The following ABI3BP variants were observed in gnomAD, a reference collection of about 807,000 sequenced individuals.
ABI3BP encodes the protein target of Nesh-SH3.
In ABI3BP, 216 loss-of-function variants were observed where a neutral mutation model predicts 268.6. The ratio of observed to expected loss-of-function variants is 0.80; its 90% CI spans 0.72 to 0.90. The LOEUF (loss-of-function observed/expected upper bound fraction) is 0.90, where lower values mean the gene tolerates loss of function less well. Among genes scored for constraint, ABI3BP ranks in the 40% least tolerant of loss-of-function variants. ABI3BP has a pLI of 0.00. For missense variants in ABI3BP, 2,090 were observed against 2,182.4 expected, an observed-to-expected ratio of 0.96 and a Z score of 0.84; for synonymous variants, 730 against 730.0, an observed-to-expected ratio of 1.00 and a Z score of 0.00.
Position 100,801,557 on chromosome 3 carries a change from T to C in ABI3BP, c.3757+3235A>G, listed in dbSNP as rs575327650. Among the ~76,000 whole-genome samples, 21 of 152,110 alleles carry C rather than the reference T, an allele frequency of 1.4e-4. No individual in the cohort carries two copies. The East Asian group carries it at 3.7e-3, about 27-fold the overall frequency. ...AGGAAGGCACTGAGTCACTAAAACT[T>C]GAGGGAAAAGCATACTGATATTTAA... On this transcript the variant is annotated intron_variant, in intron 51 of 67. Coordinates refer to ENST00000471714, the MANE Select transcript of ABI3BP (RefSeq NM_001375547.2).
chr3:100,898,395 A>G (rs1192572398), intron 4 of ABI3BP, among the ~76,000 whole-genome samples: 1 of 152,224 alleles, frequency 6.6e-6, no homozygotes, highest in Non-Finnish European at 1.5e-5. Context: ...GTATGATTTA[A>G]GAGCTTCAAT....
intron 34 of ABI3BP, 47 bp from the exon 35 acceptor site, chr3:100,825,891 G>T: frequency 7.4e-7 from 1 of 1,352,342 alleles, no homozygotes; most frequent in Non-Finnish European, 1.0e-6. Context: ...ATGTGTGGGA[G>T]CTATAGTATT....
At chr3:100,800,343 C>G (rs945572042) in intron 51 of ABI3BP, among the ~76,000 whole-genome samples, 1 of 151,886 alleles carries the variant, frequency 6.6e-6, no homozygotes, top group African/African-American at 2.4e-5. Context: ...TCCTAATTGT[C>G]TAAAGAAAAA....
At chr3:100,790,962 C>T (rs910088748) in intron 55 of ABI3BP, among the ~76,000 whole-genome samples, 1 of 151,782 alleles carries the variant, frequency 6.6e-6, no homozygotes, top group African/African-American at 2.4e-5. Flanking sequence ...TAGTTTTCTC[C>T]ATAGTCTTCA....
chr3:100,847,919 G>A (rs1431370198), intron 18 of ABI3BP, among the ~76,000 whole-genome samples: 1 of 152,122 alleles, frequency 6.6e-6, no homozygotes, highest in Non-Finnish European at 1.5e-5. Flanking sequence ...TATATTGTTT[G>A]ACAATGAAGA....
chr3:100,966,212 C>A (rs1315969009), intron 1 of ABI3BP, among the ~76,000 whole-genome samples: 1 of 152,218 alleles, frequency 6.6e-6, no homozygotes, highest in African/African-American at 2.4e-5. Flanking sequence ...CATGTGTGGA[C>A]TATGAATACA....
intron 7 of ABI3BP, among the ~76,000 whole-genome samples, chr3:100,876,035 C>T (rs1250559833): frequency 1.3e-5 from 2 of 152,014 alleles, no homozygotes; most frequent in Admixed American, 6.6e-5. Context: ...TTTTTAAGGG[C>T]CCTGTCTCTT....
At position 100,839,636 on chromosome 3, in the gene ABI3BP, A is replaced by T. The variant is rs1377671963; in HGVS notation, c.1898-20T>A. 1 of 1,535,636 alleles carries T rather than the reference A, an allele frequency of 6.5e-7. No homozygotes were observed. Among genetic ancestry groups the T allele is most frequent in the Non-Finnish European group, 8.7e-7 (1 of 1,146,568 alleles). On this transcript the variant is annotated intron_variant, in intron 23 of 67. Transcript: ENST00000471714. ...CCAGAGCTACAGAAGCAAATACCAAAAACATGAAATATTTCAAGAAGTGGC... is the reference window on the plus strand; with the variant it reads ...CCAGAGCTACAGAAGCAAATACCAATAACATGAAATATTTCAAGAAGTGGC...
intron 1 of ABI3BP, among the ~76,000 whole-genome samples, chr3:100,984,984 T>C (rs1305113582): frequency 6.6e-6 from 1 of 152,106 alleles, no homozygotes; most frequent in Non-Finnish European, 1.5e-5. Context: ...TTATTAACAC[T>C]AAATAGGATC....
chr3:100,882,305 C>T (rs922892488), intron 6 of ABI3BP, among the ~76,000 whole-genome samples: 3 of 151,862 alleles, frequency 2.0e-5, no homozygotes, highest in African/African-American at 7.3e-5. Context: ...CTAAAATATA[C>T]CTCCAAAGTA....
At chr3:100,845,766 A>C (rs1371926378) in intron 20 of ABI3BP, among the ~76,000 whole-genome samples, 3 of 152,088 alleles carry the variant, frequency 2.0e-5, no homozygotes, top group African/African-American at 4.8e-5. Flanking sequence ...GTGGTCATTC[A>C]ATATGTTACA....
At chr3:100,951,378 A>G (rs1011336585) in intron 1 of ABI3BP, among the ~76,000 whole-genome samples, 3 of 151,864 alleles carry the variant, frequency 2.0e-5, no homozygotes, top group African/African-American at 7.3e-5. Context: ...CCCTCATAAC[A>G]TGGCAATTCA....
intron 63 of ABI3BP, among the ~76,000 whole-genome samples, chr3:100,762,696 A>T (rs1034596313): frequency 2.6e-5 from 4 of 152,216 alleles, no homozygotes; most frequent in African/African-American, 9.7e-5. Flanking sequence ...ATTTCAGCCC[A>T]AACATTTTTG....
intron 5 of ABI3BP, among the ~76,000 whole-genome samples, 151 bp from the exon 6 acceptor site, chr3:100,885,739 T>G (rs2041681721): frequency 6.6e-6 from 1 of 152,026 alleles, no homozygotes; most frequent in Non-Finnish European, 1.5e-5. Context: ...GCCAATGAAG[T>G]TTTAATGACG....
intron 61 of ABI3BP, among the ~76,000 whole-genome samples, chr3:100,771,718 GGA>G (rs1450633648): frequency 4.6e-5 from 7 of 151,962 alleles, no homozygotes; most frequent in African/African-American, 1.7e-4. Context: ...CCAAAAAGAG[GGA>G]GAGAAGATAA....
In ABI3BP at chr3:100,774,618, C is replaced by T; in HGVS notation, c.4518G>A (p.Lys1506=). Residue 1506 remains lysine (K), a synonymous_variant, in exon 61 of 68, where the codon AAG becomes AAA. Coordinates refer to ENST00000471714, the MANE Select transcript of ABI3BP (RefSeq NM_001375547.2). ...AGTCATACATACCTTTGAATCTTGG[C>T]TTCCCAAGAGGATCAGTTTCTCTTG... ...SPTRETDPLG[K]PRFKGPHVRY... 1.3e-6 allele frequency: 2 copies of T among 1,582,840 alleles called. No homozygotes were observed. The highest frequency in any genetic ancestry group is 1.8e-5 in the Admixed American group (1 of 55,458).
At chr3:100,764,030 TC>T (rs2096127325) in intron 63 of ABI3BP, among the ~76,000 whole-genome samples, 1 of 152,094 alleles carries the variant, frequency 6.6e-6, no homozygotes, top group South Asian at 2.1e-4. Context: ...TCCCACTGTT[TC>T]CTTTGCCTCC....
At chr3:100,798,151 C>T (rs1007203126) in intron 51 of ABI3BP, among the ~76,000 whole-genome samples, 1 of 152,184 alleles carries the variant, frequency 6.6e-6, no homozygotes, top group African/African-American at 2.4e-5. Flanking sequence ...ATAAATCCAC[C>T]ATACTGTAAA....
rs1243493184 is a variant in ABI3BP, at chr3:100,818,577, A to C, written c.3036T>G (p.Pro1012=). The change falls in exon 41 of 68, where the codon CCT becomes CCG. Residue 1012 remains proline (P), a synonymous_variant. Coordinates refer to ENST00000471714, the MANE Select transcript of ABI3BP (RefSeq NM_001375547.2). ...SPEVPQTKLV[P]STDLEPGTLR... ...GAGTACCAGGTTCAAGATCTGTAGA[A>C]GGAACTAATTAAAAGCAATGAAATA... The C allele has an allele frequency of 7.2e-6, 11 of 1,534,806 alleles. No homozygotes were observed. The Admixed American group carries it at 2.2e-4, about 30-fold the overall frequency.
Sources: allele counts gnomAD v4.1 joint callset (sites outside exome capture counted in the v4.1 genomes callset), GRCh38; gene constraint gnomAD v4.1.1; transcripts MANE v1.5; gene names NCBI Gene and HGNC (gene_info 2026-07-23, HGNC 2026-07-21).